The following CAMKMT variants were observed in gnomAD, a reference collection of about 807,000 sequenced individuals.
CAMKMT encodes the protein CaM KMT.
In CAMKMT, 53 loss-of-function variants were observed where a neutral mutation model predicts 48.0. That is an observed-to-expected ratio of 1.10 (90% CI 0.89 to 1.39). CAMKMT has a LOEUF of 1.39. Among genes scored for constraint, CAMKMT ranks in the 40% most tolerant of loss-of-function variants. The pLI is 0.00. For missense variants in CAMKMT, 428 were observed against 402.7 expected (o/e 1.06, Z -0.54); for synonymous variants, 165 against 152.3 (o/e 1.08, Z -0.61).
chr2:44,485,938 G>T (rs948620919), intron 3 of CAMKMT, among the ~76,000 whole-genome samples: 1 of 152,040 alleles, frequency 6.6e-6, no homozygotes, highest in Non-Finnish European at 1.5e-5. Flanking sequence ...CTTAAACTGG[G>T]TGATGATTAT....
At chr2:44,520,832 T>A (rs1440830230) in intron 3 of CAMKMT, among the ~76,000 whole-genome samples, 1 of 152,164 alleles carries the variant, frequency 6.6e-6, no homozygotes, top group Admixed American at 6.5e-5. Flanking sequence ...GAGTGAGTCT[T>A]ATGAGATCTG....
chr2:44,477,488 C>T (rs563672342), intron 3 of CAMKMT, among the ~76,000 whole-genome samples: 1 of 152,256 alleles, frequency 6.6e-6, no homozygotes, highest in Non-Finnish European at 1.5e-5. Context: ...AGCTGAAAAA[C>T]ATAAACTACA....
rs533054429 is a variant in CAMKMT at position 44,678,879 on chromosome 2, C to T, written c.377-25404C>T. 2.0e-5 allele frequency among the ~76,000 whole-genome samples: 3 copies of T among 152,298 alleles called. No homozygotes were observed. In the South Asian group the frequency reaches 6.2e-4, roughly 32 times the overall value. ...ACTCTGCTACTCACTTTTCTTTATT[C>T]ATAATTATCTATCTTGGCCCAAATC... On this transcript the variant is annotated intron_variant, in intron 3 of 10. Transcript: ENST00000378494.
At chr2:44,511,245 T>TA (rs1319052395) in intron 3 of CAMKMT, among the ~76,000 whole-genome samples, 1 of 152,260 alleles carries the variant, frequency 6.6e-6, no homozygotes, top group African/African-American at 2.4e-5. Flanking sequence ...TCACTTAGAA[T>TA]AATGGCCTGT....
At chr2:44,389,173 G>T (rs1359927513) in intron 2 of CAMKMT, among the ~76,000 whole-genome samples, 1 of 152,042 alleles carries the variant, frequency 6.6e-6, no homozygotes, top group Non-Finnish European at 1.5e-5. Flanking sequence ...CCTTGGGTGG[G>T]TCTTGCTGTA....
At chr2:44,589,036 G>GC (rs1670093630) in intron 3 of CAMKMT, among the ~76,000 whole-genome samples, 1 of 16,308 alleles carries the variant, frequency 6.1e-5, no homozygotes, top group Admixed American at 7.5e-4. Flanking sequence ...CCGGCCGGCC[G>GC]CCCCATCCGG....
chr2:44,679,683 C>G (rs1376639784), intron 3 of CAMKMT, among the ~76,000 whole-genome samples: 1 of 152,186 alleles, frequency 6.6e-6, no homozygotes, highest in African/African-American at 2.4e-5. Flanking sequence ...GCCTTCATTG[C>G]CTTCCACAAA....
chr2:44,709,316 A>C (rs1677742469), intron 6 of CAMKMT, among the ~76,000 whole-genome samples: 1 of 152,174 alleles, frequency 6.6e-6, no homozygotes, highest in Non-Finnish European at 1.5e-5. Context: ...AGAACTTTAC[A>C]AAGTAGATAA....
intron 3 of CAMKMT, among the ~76,000 whole-genome samples, chr2:44,513,979 G>T (rs1670705266): frequency 1.3e-5 from 2 of 151,874 alleles, no homozygotes; most frequent in South Asian, 2.1e-4. Context: ...GTGCATGCCT[G>T]TAGTTTCAGC....
At chr2:44,473,445 A>G (rs1003005431) in intron 3 of CAMKMT, among the ~76,000 whole-genome samples, 1 of 152,172 alleles carries the variant, frequency 6.6e-6, no homozygotes, top group African/African-American at 2.4e-5. Context: ...AATTTTTTTT[A>G]AAAACAGTGC....
intron 3 of CAMKMT, among the ~76,000 whole-genome samples, chr2:44,481,982 C>A (rs913112856): frequency 2.6e-5 from 4 of 151,896 alleles, no homozygotes; most frequent in African/African-American, 9.7e-5. Context: ...TTAACTTTCC[C>A]ATATTTAACA....
At chr2:44,607,502 C>T (rs1331818188) in intron 3 of CAMKMT, among the ~76,000 whole-genome samples, 1 of 152,050 alleles carries the variant, frequency 6.6e-6, no homozygotes, top group Admixed American at 6.6e-5. Context: ...ATAAAAGCAC[C>T]AGTGATTTAC....
chr2:44,655,913 G>A (rs749889288), intron 3 of CAMKMT, among the ~76,000 whole-genome samples: 2 of 152,110 alleles, frequency 1.3e-5, no homozygotes, highest in Non-Finnish European at 2.9e-5. Flanking sequence ...GCCTCTTCTG[G>A]TACAATATTT....
chr2:44,461,678 A>T (rs940284892), intron 3 of CAMKMT, among the ~76,000 whole-genome samples: 1 of 152,220 alleles, frequency 6.6e-6, no homozygotes. Flanking sequence ...GTAAATGACT[A>T]CTATTATATG....
intron 3 of CAMKMT, among the ~76,000 whole-genome samples, chr2:44,604,414 A>G (rs1455743273): frequency 6.6e-6 from 1 of 152,148 alleles, no homozygotes; most frequent in East Asian, 1.9e-4. Context: ...AAGGGAAACA[A>G]CCAATTTTCT....
intron 3 of CAMKMT, among the ~76,000 whole-genome samples, chr2:44,519,202 G>T (rs1018576422): frequency 2.0e-5 from 3 of 152,182 alleles, no homozygotes; most frequent in African/African-American, 7.2e-5. Flanking sequence ...ACTTGTTAAA[G>T]CTGTTCCAGA....
At chr2:44,370,216 G>T (rs1219270498) in intron 1 of CAMKMT, among the ~76,000 whole-genome samples, 2 of 152,196 alleles carry the variant, frequency 1.3e-5, no homozygotes, top group Non-Finnish European at 2.9e-5. Flanking sequence ...CCATAGTGTT[G>T]TTTGAGTATT....
intron 3 of CAMKMT, among the ~76,000 whole-genome samples, chr2:44,460,973 C>A (rs1667820316): frequency 6.6e-6 from 1 of 152,130 alleles, no homozygotes; most frequent in African/African-American, 2.4e-5. Flanking sequence ...ATCCACCCGC[C>A]TCAGCCTCCC....
chr2:44,443,847 T>A, intron 3 of CAMKMT, among the ~76,000 whole-genome samples: 1 of 152,202 alleles, frequency 6.6e-6, no homozygotes, highest in East Asian at 1.9e-4. Flanking sequence ...GGCAAAAGCT[T>A]TAAAATACTA....
Sources: gnomAD v4.1 joint callset for allele counts (sites outside exome capture counted in the v4.1 genomes callset) on GRCh38, gnomAD v4.1.1 for gene constraint, MANE v1.5 for transcripts, NCBI Gene and HGNC (gene_info 2026-07-23, HGNC 2026-07-21) for gene names.